The following ZBTB44 variants were observed in gnomAD, a reference collection of about 807,000 sequenced individuals.
ZBTB44 encodes the protein zinc finger and BTB domain-containing protein 44.
In ZBTB44, 15 loss-of-function variants were observed where a neutral mutation model predicts 54.0. The observed-to-expected ratio is 0.28, with a 90% confidence interval of 0.19 to 0.43. The LOEUF is 0.43. ZBTB44 is among the 20% of genes least tolerant of loss of function. The pLI is 1.00. For missense variants in ZBTB44, 487 were observed against 707.1 expected (o/e 0.69, Z 3.53); for synonymous variants, 230 against 250.1 (o/e 0.92, Z 0.76).
intron 4 of ZBTB44, 150 bp from the exon 5 acceptor site, chr11:130,237,243 G>C: frequency 1.2e-6 from 1 of 869,404 alleles, no homozygotes; most frequent in Non-Finnish European, 1.6e-6. Context: ...GAGTATCTCA[G>C]AAAATGTGCA....
At chr11:130,256,029 G>A (rs1157971159) in intron 2 of ZBTB44, among the ~76,000 whole-genome samples, 4 of 151,756 alleles carry the variant, frequency 2.6e-5, no homozygotes, top group East Asian at 1.9e-4. Context: ...CCAAAGGTAC[G>A]AAGAGAAGCT....
intron 1 of ZBTB44, among the ~76,000 whole-genome samples, chr11:130,267,125 G>T (rs1939306539): frequency 6.6e-6 from 1 of 151,950 alleles, no homozygotes. Context: ...TTAGCTCAGT[G>T]TGACGTCACA....
At chr11:130,269,007 C>T (rs947070934) in intron 1 of ZBTB44, among the ~76,000 whole-genome samples, 109 of 151,038 alleles carry the variant, frequency 7.2e-4, no homozygotes, top group African/African-American at 2.5e-3. Context: ...AAAAAAAAAT[C>T]TCGCCAGGCA....
intron 1 of ZBTB44, chr11:130,296,462 C>A: frequency 2.6e-6 from 3 of 1,170,394 alleles, no homozygotes; most frequent in South Asian, 1.5e-5. Flanking sequence ...TCCAGTTCTG[C>A]AACACAGATT....
At chr11:130,238,701 CACTT>C in intron 3 of ZBTB44, 94 bp from the exon 4 acceptor site, 1 of 1,259,826 alleles carries the variant, frequency 7.9e-7, no homozygotes, top group Non-Finnish European at 1.0e-6. Context: ...AAAGATAAAA[CACTT>C]AAAGACTTTT....
chr11:130,229,290 T>G lies in ZBTB44; in HGVS notation c.*2474A>C, dbSNP rs1363039139. The G allele has an allele frequency of 6.6e-6, 1 of 152,204 alleles. No individual in the cohort carries two copies. The highest frequency in any genetic ancestry group is 1.5e-5 in the Non-Finnish European group (1 of 68,032). The allele number at this position is 152,204 out of a possible 1,614,324, so 9.4% of individuals were successfully genotyped here. A position where few individuals can be genotyped will look rare whatever the true frequency, so the allele number is the denominator to read the frequency against. ...AAAAGTTAAAAAAAAGTATGACCAC[T>G]GATGGTACTGGTACTACAAGTCTTC... On this transcript the variant is annotated 3_prime_UTR_variant, in exon 8 of 8. Coordinates refer to ENST00000357899, the MANE Select transcript of ZBTB44 (RefSeq NM_001301098.2).
chr11:130,262,408 G>A (rs944042694), intron 1 of ZBTB44, among the ~76,000 whole-genome samples: 2 of 152,084 alleles, frequency 1.3e-5, no homozygotes, highest in African/African-American at 2.4e-5. Flanking sequence ...CAAAGTGCTG[G>A]GATTACAGGT....
rs1591918258 is a variant in ZBTB44 at position 130,234,150 on chromosome 11, G to A, written c.1686+6C>T. ...AAGTGCTTTCACAATTCTGGGTTGA[G>A]GAGACCTGTGAAATGACAGGCATTT... On this transcript the variant is annotated splice_donor_region_variant and intron_variant, in intron 6 of 7. Transcript: ENST00000357899. 6.5e-7 allele frequency: 1 copy of A among 1,544,678 alleles called. No individual in the cohort carries two copies. The highest frequency in any genetic ancestry group is 8.7e-7 in the Non-Finnish European group (1 of 1,144,242).
chr11:130,298,140 T>A (rs1177435266), intron 1 of ZBTB44, among the ~76,000 whole-genome samples: 1 of 150,756 alleles, frequency 6.6e-6, no homozygotes, highest in Middle Eastern at 3.2e-3. Context: ...TCCACAATAA[T>A]AATTGATGAT....
At chr11:130,302,750 A>G (rs1262237306) in intron 1 of ZBTB44, among the ~76,000 whole-genome samples, 1 of 152,202 alleles carries the variant, frequency 6.6e-6, no homozygotes, top group East Asian at 1.9e-4. Flanking sequence ...GAGGCAGGTG[A>G]TCACCTGAGG....
At position 130,230,930 on chromosome 11, in the gene ZBTB44, A is replaced by T. The variant is rs1026932371; in HGVS notation, c.*834T>A. ...TGGTAGTTAAAAAACTGAAAATAAAAGCTTGTACAAAATGCTTGGTTTTAA... is the reference window on the plus strand; with the variant it reads ...TGGTAGTTAAAAAACTGAAAATAAATGCTTGTACAAAATGCTTGGTTTTAA... On this transcript the variant is annotated 3_prime_UTR_variant, in exon 8 of 8. Coordinates refer to ENST00000357899, the MANE Select transcript of ZBTB44 (RefSeq NM_001301098.2). 1 of 152,128 alleles carries T rather than the reference A, an allele frequency of 6.6e-6. No individual in the cohort carries two copies. The highest frequency in any genetic ancestry group is 2.4e-5 in the African/African-American group (1 of 41,454). The allele number at this position is 152,128 out of a possible 1,614,324, so 9.4% of individuals were successfully genotyped here.
At chr11:130,264,027 C>G (rs999454079) in intron 1 of ZBTB44, among the ~76,000 whole-genome samples, 2 of 152,202 alleles carry the variant, frequency 1.3e-5, no homozygotes, top group African/African-American at 4.8e-5. Context: ...AGCACAGACT[C>G]TGGAGCCAGA....
intron 1 of ZBTB44, among the ~76,000 whole-genome samples, chr11:130,275,288 A>T (rs1288028670): frequency 6.6e-6 from 1 of 152,048 alleles, no homozygotes; most frequent in Non-Finnish European, 1.5e-5. Flanking sequence ...ACATACCGTG[A>T]GTGTTTGTAA....
chr11:130,308,488 A>G (rs1184166030), intron 1 of ZBTB44, among the ~76,000 whole-genome samples: 20 of 152,226 alleles, frequency 1.3e-4, no homozygotes, highest in Admixed American at 1.3e-3. Context: ...ATGCTTTTAG[A>G]TACCAGTTTC....
chr11:130,290,025 C>T (rs1460054484), intron 1 of ZBTB44, among the ~76,000 whole-genome samples: 3 of 152,188 alleles, frequency 2.0e-5, no homozygotes. Flanking sequence ...GTGAATGATA[C>T]CTTTATGGCT....
intron 1 of ZBTB44, among the ~76,000 whole-genome samples, chr11:130,307,139 T>C (rs886777761): frequency 6.6e-6 from 1 of 151,826 alleles, no homozygotes; most frequent in East Asian, 1.9e-4. Flanking sequence ...AACATTCTAC[T>C]GTAGCCCGGG....
intron 1 of ZBTB44, chr11:130,296,463 AAC>A (rs1205914590): frequency 8.5e-7 from 1 of 1,170,224 alleles, no homozygotes; most frequent in African/African-American, 1.5e-5. Context: ...CCAGTTCTGC[AAC>A]ACAGATTTGG....
intron 1 of ZBTB44, among the ~76,000 whole-genome samples, chr11:130,288,485 A>G (rs1565678931): frequency 6.6e-6 from 1 of 152,234 alleles, no homozygotes; most frequent in Non-Finnish European, 1.5e-5. Context: ...AATGGCAAGT[A>G]GTGTCTTAAA....
At position 130,229,383 on chromosome 11, in the gene ZBTB44, A is replaced by C. The variant is rs1395474567; in HGVS notation, c.*2381T>G. 1.3e-5 allele frequency: 2 copies of C among 152,144 alleles called. No homozygotes were observed. Among genetic ancestry groups the C allele is most frequent in the African/African-American group, 4.8e-5 (2 of 41,436 alleles). 9.4% of individuals were successfully genotyped at this position (152,144 alleles called of 1,614,324 possible). ...ACATCTCAACTTATCTATCGTCTAA[A>C]ATGAAACATCCAGAGAGCGACTGTT... is the stretch of plus-strand genomic sequence containing the variant. On this transcript the variant is annotated 3_prime_UTR_variant, in exon 8 of 8. Transcript: ENST00000357899.
Sources: allele counts gnomAD v4.1 joint callset (sites outside exome capture counted in the v4.1 genomes callset), GRCh38; gene constraint gnomAD v4.1.1; transcripts MANE v1.5; gene names NCBI Gene and HGNC (gene_info 2026-07-23, HGNC 2026-07-21).